The following ART3 variants were observed in gnomAD, a reference collection of about 807,000 sequenced individuals.
The protein encoded by ART3 is ADP-ribosyltransferase 3 (inactive).
A neutral mutation model predicts 48.5 loss-of-function variants in ART3; 49 were observed. The ratio of observed to expected loss-of-function variants is 1.01; its 90% CI spans 0.80 to 1.28. The LOEUF (loss-of-function observed/expected upper bound fraction) is 1.28. Among genes scored for constraint, ART3 ranks in the 50% most tolerant of loss-of-function variants. The pLI is 0.00. For synonymous variants in ART3, 145 were observed against 157.2 expected (o/e 0.92, Z 0.58); for missense variants, 438 against 454.3 (o/e 0.96, Z 0.33).
At chr4:76,033,794 A>C (rs1461535126) in intron 1 of ART3, 3 of 152,206 alleles carry the variant, frequency 2.0e-5, no homozygotes, top group African/African-American at 7.2e-5. Context: ...TGAACAAAGA[A>C]ATTGATTAGA....
At chr4:76,030,291 C>A (rs1426136623) in intron 1 of ART3, among the ~76,000 whole-genome samples, 1 of 152,052 alleles carries the variant, frequency 6.6e-6, no homozygotes, top group South Asian at 2.1e-4. Context: ...CTGCTGACCT[C>A]GTGATCCACC....
At chr4:76,079,784 C>T (rs542496022) in intron 2 of ART3, among the ~76,000 whole-genome samples, 4 of 151,946 alleles carry the variant, frequency 2.6e-5, no homozygotes, top group South Asian at 2.1e-4. Flanking sequence ...GATGTTTGTT[C>T]GTGAGGGAGA....
At chr4:76,107,920 T>C (rs1255380428) in intron 11 of ART3, 127 bp downstream of exon 11, 1 of 665,536 alleles carries the variant, frequency 1.5e-6, no homozygotes, top group Non-Finnish European at 2.5e-6. Flanking sequence ...AATAACAGAG[T>C]ATAATGTCAT....
At chr4:76,029,392 T>C (rs191192057) in intron 1 of ART3, among the ~76,000 whole-genome samples, 158 of 152,344 alleles carry the variant, frequency 1.0e-3, no homozygotes, top group African/African-American at 2.3e-3. Context: ...TCTGTACTTA[T>C]GGTGCCAGGA....
At chr4:76,108,292 A>C (rs113177633) in intron 11 of ART3, among the ~76,000 whole-genome samples, 2 of 152,144 alleles carry the variant, frequency 1.3e-5, no homozygotes, top group Non-Finnish European at 2.9e-5. Context: ...AAGCTATTCT[A>C]TACAGGAAGT....
intron 3 of ART3, among the ~76,000 whole-genome samples, chr4:76,092,162 G>A (rs531706342): frequency 6.6e-5 from 10 of 152,072 alleles, no homozygotes; most frequent in Non-Finnish European, 1.5e-4. Context: ...CTTGGATTTT[G>A]ATTAAGCTTG....
At chr4:76,035,827 A>G (rs1250033411) in intron 1 of ART3, 2 of 1,091,836 alleles carry the variant, frequency 1.8e-6, no homozygotes, top group Middle Eastern at 2.2e-4. Flanking sequence ...GTGAGATTAA[A>G]TAAAACTTTA....
chr4:76,098,059 A>G (rs1726410416), intron 4 of ART3, among the ~76,000 whole-genome samples: 1 of 152,182 alleles, frequency 6.6e-6, no homozygotes, highest in African/African-American at 2.4e-5. Flanking sequence ...CTGTTCCTGT[A>G]TTTTGTTATC....
Position 76,082,402 on chromosome 4 carries a change from TAAAG to T in ART3, c.653_656del (p.Glu218ValfsTer6). The T allele has an allele frequency of 1.9e-6, 3 of 1,614,108 alleles. No homozygotes were observed. The highest frequency in any genetic ancestry group is 2.2e-5 in the South Asian group (2 of 91,078). On this transcript the variant is annotated frameshift_variant, in exon 3 of 12. Transcript: ENST00000355810. LOFTEE classifies it high-confidence loss of function. ...GAGTTGACATTGAAAATTTTCTTGATAAAGAAAGTGAAAGAATTACTTTAATACC... is the reference window on the plus strand; with the variant it reads ...GAGTTGACATTGAAAATTTTCTTGATAAAGTGAAAGAATTACTTTAATACC...
intron 1 of ART3, among the ~76,000 whole-genome samples, chr4:76,054,879 C>T (rs1560601300): frequency 6.6e-6 from 1 of 152,200 alleles, no homozygotes; most frequent in Non-Finnish European, 1.5e-5. Flanking sequence ...AAATTTTATA[C>T]ATTGTGCTGA....
At chr4:76,091,942 C>T (rs1725000157) in intron 3 of ART3, among the ~76,000 whole-genome samples, 1 of 152,160 alleles carries the variant, frequency 6.6e-6, no homozygotes, top group Admixed American at 6.5e-5. Context: ...CTCAGCCTCC[C>T]AAAGTGCTGG....
chr4:76,088,643 T>C (rs757629621), intron 3 of ART3, among the ~76,000 whole-genome samples: 5 of 152,184 alleles, frequency 3.3e-5, no homozygotes, highest in Non-Finnish European at 5.9e-5. Context: ...GCAAAGTTTC[T>C]GTACTGTTGT....
At chr4:76,104,043 C>T in intron 9 of ART3, 74 bp downstream of exon 9, 2 of 1,426,850 alleles carry the variant, frequency 1.4e-6, no homozygotes, top group South Asian at 2.3e-5. Context: ...TAAGAGAATA[C>T]TGTCATGAGA....
chr4:76,029,415 A>T (rs1366956632), intron 1 of ART3, among the ~76,000 whole-genome samples: 1 of 152,226 alleles, frequency 6.6e-6, no homozygotes, highest in African/African-American at 2.4e-5. Flanking sequence ...TTTAGGACGT[A>T]TTCTTCTTAG....
intron 1 of ART3, 77 bp from the exon 2 acceptor site, chr4:76,075,804 C>G (rs7693105): frequency 0.12 from 124,320 of 1,067,096 alleles, 12,682 homozygotes; most frequent in African/African-American, 0.48. Context: ...TGAAAAAATA[C>G]GCAGTGTCAT....
intron 1 of ART3, chr4:76,021,851 T>G: frequency 1.5e-6 from 2 of 1,297,252 alleles, no homozygotes; most frequent in Non-Finnish European, 2.2e-6. Flanking sequence ...ATATACTCCA[T>G]GTAGGGAAGT....
chr4:76,056,993 AAAT>A (rs200212909), intron 1 of ART3, among the ~76,000 whole-genome samples: 88,789 of 151,704 alleles, frequency 0.59, 26,817 homozygotes, highest in East Asian at 0.94. Flanking sequence ...AAAATTTAAA[AAAT>A]AATAGTGACA....
Position 76,097,644 on chromosome 4 carries a change from G to C in ART3, c.782G>C (p.Gly261Ala). 1 of 1,606,246 alleles carries C rather than the reference G, an allele frequency of 6.2e-7. No homozygotes were observed. Among genetic ancestry groups the C allele is most frequent in the African/African-American group, 1.3e-5 (1 of 74,820 alleles). The change falls in exon 4 of 12, where the codon GGA becomes GCA. Residue 261 changes from glycine (G) to alanine (A), a missense_variant and splice_region_variant. This residue lies in a region of ART3 where 227 missense variants were observed against 229.6 expected (regional missense o/e 0.99). Transcript: ENST00000355810. ...ATAAAGCTTTATCTTTGTGTTTCAG[G>C]ACTAAAAACCGAAAACTGTATTGAG... ...CSHYECAFLGGLKTENCIENL... is the reference protein window; with the variant it reads ...CSHYECAFLGALKTENCIENL...
intron 1 of ART3, chr4:76,012,074 A>C (rs1413305113): frequency 6.6e-6 from 1 of 152,218 alleles, no homozygotes; most frequent in South Asian, 2.1e-4. Context: ...GAAAAATTCC[A>C]GTTCTGTGTC....
Sources: allele counts gnomAD v4.1 joint callset (sites outside exome capture counted in the v4.1 genomes callset), GRCh38; gene constraint gnomAD v4.1.1; regional missense constraint gnomAD v4.1.1; transcripts MANE v1.5; gene names NCBI Gene and HGNC (gene_info 2026-07-23, HGNC 2026-07-21).